The following PAK2 variants were observed in gnomAD, a reference collection of about 807,000 sequenced individuals.
PAK2 encodes the protein p21 (RAC1) activated kinase 2.
In PAK2, 21 loss-of-function variants were observed where a neutral mutation model predicts 65.9. The ratio of observed to expected loss-of-function variants is 0.32; its 90% CI spans 0.23 to 0.46. PAK2 has a LOEUF of 0.46. Among genes scored for constraint, PAK2 ranks in the 20% least tolerant of loss-of-function variants. PAK2 has a pLI of 1.00. For missense variants in PAK2, 324 were observed against 642.6 expected, an observed-to-expected ratio of 0.50 and a Z score of 5.36; for synonymous variants, 204 against 219.7, an observed-to-expected ratio of 0.93 and a Z score of 0.63.
intron 7 of PAK2, among the ~76,000 whole-genome samples, chr3:196,809,545 T>C (rs940424308): frequency 6.6e-6 from 1 of 151,056 alleles, no homozygotes; most frequent in African/African-American, 2.4e-5. Flanking sequence ...GGTTTCACCA[T>C]GTTGGCTGGG....
chr3:196,784,139 A>G (rs771730706), intron 2 of PAK2, among the ~76,000 whole-genome samples: 1 of 151,426 alleles, frequency 6.6e-6, no homozygotes, highest in African/African-American at 2.4e-5. Flanking sequence ...TTCAAACTCC[A>G]TTTCATTCCA....
At chr3:196,824,903 A>G (rs1711780041) in intron 13 of PAK2, among the ~76,000 whole-genome samples, 1 of 152,150 alleles carries the variant, frequency 6.6e-6, no homozygotes. Flanking sequence ...GAAGTGTATC[A>G]ATATTGGTTC....
At chr3:196,821,946 A>G (rs569310843) in intron 13 of PAK2, among the ~76,000 whole-genome samples, 2 of 152,328 alleles carry the variant, frequency 1.3e-5, no homozygotes, top group East Asian at 1.9e-4. Flanking sequence ...TTATTTGGTC[A>G]TAGAAAGGAA....
At chr3:196,807,736 G>A (rs758132671) in intron 6 of PAK2, 46 bp from the exon 7 acceptor site, 2 of 1,139,104 alleles carry the variant, frequency 1.8e-6, no homozygotes, top group Admixed American at 2.1e-5. Context: ...AAGAATATCT[G>A]AAAACATTAT....
At position 196,779,467 on chromosome 3, in the gene PAK2, C is replaced by T. The variant is rs139499840; in HGVS notation, c.-21-3159C>T. Among the ~76,000 whole-genome samples the T allele has an allele frequency of 2.0e-3, 298 of 152,196 alleles. 2 individuals carry two copies. The highest frequency in any genetic ancestry group is 6.8e-3 in the African/African-American group (282 of 41,516). On this transcript the variant is annotated intron_variant, in intron 1 of 14. Coordinates refer to ENST00000327134, the MANE Select transcript of PAK2 (RefSeq NM_002577.4). ...TCATGAGACGTGGTGAAGTGTAAGT[C>T]GGTGGTGGAAACAGGATTCCATGCA...
chr3:196,828,528 A>C lies in PAK2; in HGVS notation c.*123A>C. 1 of 693,574 alleles carries C rather than the reference A, an allele frequency of 1.4e-6. No homozygotes were observed. Among genetic ancestry groups the C allele is most frequent in the Non-Finnish European group, 2.6e-6 (1 of 392,110 alleles). 43.0% of individuals were successfully genotyped at this position (693,574 alleles called of 1,614,324 possible). On this transcript the variant is annotated 3_prime_UTR_variant, in exon 15 of 15. Coordinates refer to ENST00000327134, the MANE Select transcript of PAK2 (RefSeq NM_002577.4). ...CTGCATAACCTGAATGAAAGAAGCAAATGACTATTCTCTGAAGACAACCAA... is the reference window on the plus strand; with the variant it reads ...CTGCATAACCTGAATGAAAGAAGCACATGACTATTCTCTGAAGACAACCAA...
At chr3:196,784,371 C>A (rs1714815979) in intron 2 of PAK2, among the ~76,000 whole-genome samples, 1 of 93,796 alleles carries the variant, frequency 1.1e-5, no homozygotes, top group Admixed American at 1.1e-4. Flanking sequence ...TGCTATCCCT[C>A]CCCCCTCCCC....
rs1712110997 is a variant in PAK2, at chr3:196,832,118, C to T, written c.*3713C>T. On this transcript the variant is annotated 3_prime_UTR_variant, in exon 15 of 15. Transcript: ENST00000327134. Reference sequence around the variant, plus strand: ...GGCCTTGAAAGAACCGAAGTCTTTCCCATTCACTTCTCTAGAAAGCTGCCA... The same window carrying T: ...GGCCTTGAAAGAACCGAAGTCTTTCTCATTCACTTCTCTAGAAAGCTGCCA... 6.6e-6 allele frequency: 1 copy of T among 152,154 alleles called. No homozygotes were observed. The highest frequency in any genetic ancestry group is 2.4e-5 in the African/African-American group (1 of 41,440). The allele number at this position is 152,154 out of a possible 1,614,324, so 9.4% of individuals were successfully genotyped here.
intron 11 of PAK2, among the ~76,000 whole-genome samples, chr3:196,814,836 A>C (rs1194226413): frequency 1.3e-5 from 2 of 152,148 alleles, no homozygotes; most frequent in Non-Finnish European, 2.9e-5. Flanking sequence ...ATGATCATTT[A>C]CCATCCAAAC....
intron 1 of PAK2, among the ~76,000 whole-genome samples, chr3:196,778,031 G>C (rs7626444): frequency 0.37 from 55,853 of 151,788 alleles, 10,610 homozygotes; most frequent in Admixed American, 0.45. Context: ...TACCCATTAG[G>C]AGCCCCATCT....
At chr3:196,805,208 C>G (rs1577734437) in intron 4 of PAK2, 144 bp from the exon 5 acceptor site, 2 of 566,612 alleles carry the variant, frequency 3.5e-6, no homozygotes, top group East Asian at 6.8e-5. Flanking sequence ...TATTTGACTA[C>G]TTGCGTGTTC....
rs559450428 is a variant in PAK2, at chr3:196,753,483, C to G, written c.-22+13326C>G. Among the ~76,000 whole-genome samples the G allele has an allele frequency of 2.0e-5, 3 of 152,314 alleles. No individual in the cohort carries two copies. The East Asian group carries it at 5.8e-4, about 29-fold the overall frequency. ...TGCTGGGATTGCAGGTGAGAGCCAC[C>G]ACACCTGGCCTAATTATTTCTTTTA... On this transcript the variant is annotated intron_variant, in intron 1 of 14. Coordinates refer to ENST00000327134, the MANE Select transcript of PAK2 (RefSeq NM_002577.4).
At chr3:196,775,030 G>A (rs1007466154) in intron 1 of PAK2, among the ~76,000 whole-genome samples, 3 of 152,178 alleles carry the variant, frequency 2.0e-5, no homozygotes, top group Non-Finnish European at 4.4e-5. Flanking sequence ...TAAGCAGCTG[G>A]TAGAGGCATC....
intron 2 of PAK2, among the ~76,000 whole-genome samples, chr3:196,799,558 G>A (rs933666937): frequency 6.6e-6 from 1 of 152,188 alleles, no homozygotes; most frequent in Non-Finnish European, 1.5e-5. Flanking sequence ...GATGCCTTCG[G>A]CTACGTTATG....
chr3:196,795,397 G>A (rs1156550206), intron 2 of PAK2, among the ~76,000 whole-genome samples: 1 of 152,150 alleles, frequency 6.6e-6, no homozygotes, highest in Non-Finnish European at 1.5e-5. Flanking sequence ...GAGCCCAGAG[G>A]TTGAGGCCGC....
intron 6 of PAK2, among the ~76,000 whole-genome samples, chr3:196,807,311 G>T (rs1239105209): frequency 2.0e-5 from 3 of 152,150 alleles, no homozygotes; most frequent in Non-Finnish European, 4.4e-5. Context: ...CAAGCTGATG[G>T]CAGAGGACTC....
intron 13 of PAK2, among the ~76,000 whole-genome samples, chr3:196,824,713 G>A (rs1560120011): frequency 1.3e-5 from 2 of 151,964 alleles, no homozygotes; most frequent in East Asian, 1.9e-4. Context: ...AGGCACGGTG[G>A]TGCACACCTG....
chr3:196,747,356 C>T (rs748641435), intron 1 of PAK2: 1 of 152,130 alleles, frequency 6.6e-6, no homozygotes, highest in Non-Finnish European at 1.5e-5. Context: ...ATAATAAAAA[C>T]CTTTAATGTT....
intron 1 of PAK2, among the ~76,000 whole-genome samples, chr3:196,759,510 T>TTTTTTTTTTTTG (rs1713887416): frequency 8.7e-6 from 1 of 115,478 alleles, no homozygotes; most frequent in Non-Finnish European, 1.7e-5. Context: ...TTTTTTTTTT[T>TTTTTTTTTTTTG]TTTTTTTTTT....
Sources: allele counts gnomAD v4.1 joint callset (sites outside exome capture counted in the v4.1 genomes callset), GRCh38; gene constraint gnomAD v4.1.1; transcripts MANE v1.5; gene names NCBI Gene and HGNC (gene_info 2026-07-23, HGNC 2026-07-21).